Variants in WWOX observed in about 807,000 individuals in gnomAD.
The protein encoded by WWOX is WW domain-containing oxidoreductase.
A neutral mutation model predicts 46.2 loss-of-function variants in WWOX; 69 were observed. The ratio of observed to expected loss-of-function variants is 1.49; its 90% CI spans 1.23 to 1.82. WWOX has a LOEUF of 1.82. Among genes scored for constraint, WWOX ranks in the 40% most tolerant of loss-of-function variants. The probability of loss-of-function intolerance (pLI) is 0.00; values close to 1 mark genes in which losing one functional copy is unlikely to be tolerated. For synonymous variants in WWOX, 359 were observed against 202.6 expected (o/e 1.77, Z -6.56); for missense variants, 919 against 542.6 (o/e 1.69, Z -6.89).
chr16:78,649,927 C>T (rs1371765479), intron 8 of WWOX, among the ~76,000 whole-genome samples: 2 of 152,194 alleles, frequency 1.3e-5, no homozygotes, highest in South Asian at 2.1e-4. Flanking sequence ...TTTGGATCAA[C>T]AGCCCTGGCC....
At chr16:78,512,074 G>T (rs914878271) in intron 8 of WWOX, among the ~76,000 whole-genome samples, 1 of 152,150 alleles carries the variant, frequency 6.6e-6, no homozygotes, top group Non-Finnish European at 1.5e-5. Flanking sequence ...TTCCATCCAA[G>T]ATTCTAAACT....
chr16:78,415,245 G>A (rs1212430430), intron 6 of WWOX, among the ~76,000 whole-genome samples: 1 of 152,006 alleles, frequency 6.6e-6, no homozygotes, highest in Non-Finnish European at 1.5e-5. Flanking sequence ...TGTTGCCATG[G>A]CATGTGTACA....
At chr16:79,067,712 A>T (rs1749811997) in intron 8 of WWOX, among the ~76,000 whole-genome samples, 1 of 152,118 alleles carries the variant, frequency 6.6e-6, no homozygotes, top group Non-Finnish European at 1.5e-5. Context: ...CAAGAAGGTA[A>T]ACTCATCTGC....
chr16:78,406,720 G>T (rs903848347), intron 6 of WWOX, among the ~76,000 whole-genome samples: 11 of 151,630 alleles, frequency 7.3e-5, no homozygotes, highest in African/African-American at 2.4e-4. Context: ...TCCTCCTCCG[G>T]GGTTCAAGCG....
chr16:78,099,999 A>C, intron 1 of WWOX, 114 bp downstream of exon 1: 8 of 1,506,320 alleles, frequency 5.3e-6, no homozygotes, highest in Non-Finnish European at 5.3e-6. Flanking sequence ...GCAAAGTGAA[A>C]GTAACTGTTA....
At chr16:78,503,395 T>TC (rs977546311) in intron 8 of WWOX, among the ~76,000 whole-genome samples, 27 of 151,642 alleles carry the variant, frequency 1.8e-4, no homozygotes, top group Non-Finnish European at 2.8e-4. Context: ...AATTCCTATA[T>TC]CCCCCCCATA....
At chr16:78,524,666 G>T (rs534141111) in intron 8 of WWOX, among the ~76,000 whole-genome samples, 1 of 151,768 alleles carries the variant, frequency 6.6e-6, no homozygotes, top group South Asian at 2.1e-4. Context: ...TGATCCACCC[G>T]CCTCAGCCTC....
intron 8 of WWOX, among the ~76,000 whole-genome samples, chr16:78,953,131 A>G (rs1268363170): frequency 1.3e-5 from 2 of 152,032 alleles, no homozygotes; most frequent in Admixed American, 1.3e-4. Context: ...CACTCCTGAT[A>G]ATCTGACCTC....
chr16:78,882,816 A>T (rs931808459), intron 8 of WWOX, among the ~76,000 whole-genome samples: 2 of 147,540 alleles, frequency 1.4e-5, no homozygotes, highest in African/African-American at 4.9e-5. Flanking sequence ...AGTTTTTACA[A>T]TGCCACCATT....
At chr16:78,388,371 G>T (rs1272367376) in intron 6 of WWOX, among the ~76,000 whole-genome samples, 2 of 152,168 alleles carry the variant, frequency 1.3e-5, no homozygotes, top group South Asian at 2.1e-4. Flanking sequence ...TCTCAGCTGG[G>T]TGCAGTGGCT....
chr16:78,960,300 C>A (rs2151311250), intron 8 of WWOX, among the ~76,000 whole-genome samples: 1 of 152,318 alleles, frequency 6.6e-6, no homozygotes, highest in East Asian at 1.9e-4. Context: ...GACTAGGCTT[C>A]ATATTTTCTA....
At chr16:78,514,184 C>T (rs187459871) in intron 8 of WWOX, among the ~76,000 whole-genome samples, 10 of 152,296 alleles carry the variant, frequency 6.6e-5, no homozygotes, top group Middle Eastern at 3.4e-3. Flanking sequence ...TCAGATACAG[C>T]AACCTAGTCT....
chr16:79,210,576 T>C (rs2051695853), intron 8 of WWOX, among the ~76,000 whole-genome samples: 1 of 152,142 alleles, frequency 6.6e-6, no homozygotes, highest in African/African-American at 2.4e-5. Flanking sequence ...CCTCTCCCTC[T>C]CATCAGCTGA....
intron 8 of WWOX, among the ~76,000 whole-genome samples, chr16:78,795,086 T>C (rs1339558778): frequency 6.6e-6 from 1 of 152,176 alleles, no homozygotes; most frequent in African/African-American, 2.4e-5. Context: ...CATATCCTGT[T>C]TTCGAGGGTG....
chr16:78,325,634 G>A (rs181689983), intron 5 of WWOX, among the ~76,000 whole-genome samples: 155 of 152,256 alleles, frequency 1.0e-3, no homozygotes, highest in Admixed American at 4.7e-3. Context: ...AGGTCAACCC[G>A]GCCTTCTCCG....
chr16:79,088,717 G>A (rs1281556360), intron 8 of WWOX, among the ~76,000 whole-genome samples: 4 of 152,050 alleles, frequency 2.6e-5, no homozygotes, highest in African/African-American at 9.7e-5. Context: ...ATTGAGAACC[G>A]CATAATACTT....
chr16:78,599,704 C>T (rs998459298), intron 8 of WWOX, among the ~76,000 whole-genome samples: 11 of 152,108 alleles, frequency 7.2e-5, no homozygotes, highest in Admixed American at 5.2e-4. Context: ...CCACAGATGC[C>T]TTGTGTTTAG....
chr16:79,000,871 A>G (rs186264549), intron 8 of WWOX, among the ~76,000 whole-genome samples: 22 of 152,178 alleles, frequency 1.4e-4, no homozygotes, highest in East Asian at 3.9e-4. Context: ...TGGCATTGCC[A>G]TGGTTTGTCA....
chr16:78,110,857 C>T (rs541586087), intron 3 of WWOX, among the ~76,000 whole-genome samples: 3 of 152,246 alleles, frequency 2.0e-5, no homozygotes, highest in Middle Eastern at 6.8e-3. Flanking sequence ...AGGCTTTGAG[C>T]CCAGCACCTG....
Sources: gnomAD v4.1 joint callset for allele counts (sites outside exome capture counted in the v4.1 genomes callset) on GRCh38, gnomAD v4.1.1 for gene constraint, MANE v1.5 for transcripts, NCBI Gene and HGNC (gene_info 2026-07-23, HGNC 2026-07-21) for gene names.